KCNB2: variants seen among roughly 807,000 people sequenced by gnomAD.
The protein encoded by KCNB2 is potassium voltage-gated channel subfamily B member 2.
KCNB2 carries 15 observed loss-of-function variants against 61.5 expected under a neutral mutation model. The ratio of observed to expected loss-of-function variants is 0.24; its 90% CI spans 0.16 to 0.38. The LOEUF (loss-of-function observed/expected upper bound fraction) is 0.38. KCNB2 is among the 10% of genes least tolerant of loss of function. KCNB2 has a pLI of 1.00. For synonymous variants in KCNB2, 457 were observed against 446.0 expected, an observed-to-expected ratio of 1.02 and a Z score of -0.31; for missense variants, 828 against 1,125.2, an observed-to-expected ratio of 0.74 and a Z score of 3.78.
chr8:72,597,001 C>CTTTTTT lies in KCNB2; in HGVS notation c.579+28724_579+28729dup, dbSNP rs869160203. ...GCATGCTTGCTTGCTTGCTTGCTTG[C>CTTTTTT]TTTTTTTTTTTTTTTTTTTTTTTTT... On this transcript the variant is annotated intron_variant, in intron 2 of 2. Coordinates refer to ENST00000523207, the MANE Select transcript of KCNB2 (RefSeq NM_004770.3). Among the ~76,000 whole-genome samples the CTTTTTT allele has an allele frequency of 4.2e-3, 270 of 64,624 alleles. 48 individuals carry two copies. Among genetic ancestry groups the CTTTTTT allele is most frequent in the East Asian group, 5.0e-3 (8 of 1,586 alleles). 42.4% of individuals were successfully genotyped at this position (64,624 alleles called of 152,430 possible). A position where few individuals can be genotyped will look rare whatever the true frequency, so the allele number is the denominator to read the frequency against.
At chr8:72,665,343 G>A (rs1477110926) in intron 2 of KCNB2, among the ~76,000 whole-genome samples, 2 of 152,200 alleles carry the variant, frequency 1.3e-5, no homozygotes, top group East Asian at 3.9e-4. Flanking sequence ...CAACCGCTGG[G>A]AGGGTGGAGT....
intron 2 of KCNB2, among the ~76,000 whole-genome samples, chr8:72,813,826 T>A (rs542033145): frequency 9.9e-5 from 15 of 152,256 alleles, no homozygotes; most frequent in Non-Finnish European, 2.1e-4. Context: ...TTGAACTTTA[T>A]GTAAATGAAG....
At chr8:72,899,057 C>T (rs1356053469) in intron 2 of KCNB2, among the ~76,000 whole-genome samples, 1 of 152,118 alleles carries the variant, frequency 6.6e-6, no homozygotes, top group African/African-American at 2.4e-5. Flanking sequence ...GGCACCTAGG[C>T]TTTAATCCTG....
At chr8:72,716,442 C>A (rs1443715399) in intron 2 of KCNB2, among the ~76,000 whole-genome samples, 1 of 152,188 alleles carries the variant, frequency 6.6e-6, no homozygotes. Context: ...AATCCAGCAA[C>A]CCATCAAAAA....
intron 2 of KCNB2, among the ~76,000 whole-genome samples, chr8:72,581,846 G>GCTTTT (rs1806903231): frequency 1.3e-5 from 2 of 152,226 alleles, no homozygotes; most frequent in South Asian, 4.1e-4. Context: ...GCTTTGCTTT[G>GCTTTT]CTAGGGTTGC....
intron 2 of KCNB2, among the ~76,000 whole-genome samples, chr8:72,790,284 G>A (rs1326700586): frequency 1.3e-5 from 2 of 152,086 alleles, no homozygotes; most frequent in Admixed American, 6.6e-5. Flanking sequence ...CCCTGCTAAG[G>A]TCAGCACCCA....
intron 2 of KCNB2, among the ~76,000 whole-genome samples, chr8:72,863,863 G>A (rs1025124579): frequency 6.6e-6 from 1 of 152,184 alleles, no homozygotes; most frequent in East Asian, 1.9e-4. Flanking sequence ...AAATAGCCAG[G>A]TGTGGTGGCA....
chr8:72,737,200 A>G (rs62518134), intron 2 of KCNB2, among the ~76,000 whole-genome samples: 23 of 152,298 alleles, frequency 1.5e-4, no homozygotes, highest in Non-Finnish European at 2.2e-4. Flanking sequence ...ATTTTTTAAC[A>G]TAAGCTTGGA....
At chr8:72,789,264 A>C (rs1808895322) in intron 2 of KCNB2, among the ~76,000 whole-genome samples, 1 of 152,184 alleles carries the variant, frequency 6.6e-6, no homozygotes, top group African/African-American at 2.4e-5. Flanking sequence ...AAATACTGTT[A>C]TTAACAACAT....
chr8:72,683,146 G>A (rs2128989287), intron 2 of KCNB2, among the ~76,000 whole-genome samples: 1 of 152,290 alleles, frequency 6.6e-6, no homozygotes, highest in African/African-American at 2.4e-5. Context: ...TCTTTCCTAT[G>A]TAATGTCAGG....
chr8:72,895,013 C>T (rs370643005), intron 2 of KCNB2, among the ~76,000 whole-genome samples: 2 of 152,118 alleles, frequency 1.3e-5, no homozygotes, highest in Admixed American at 6.6e-5. Context: ...GGACCCTCCC[C>T]CTAAGGCCCT....
intron 2 of KCNB2, among the ~76,000 whole-genome samples, chr8:72,858,419 A>C (rs1810240487): frequency 6.6e-6 from 1 of 152,210 alleles, no homozygotes; most frequent in Admixed American, 6.5e-5. Context: ...GTGGTTTTAC[A>C]AGAAAAAAAG....
At chr8:72,636,492 A>G (rs1334049739) in intron 2 of KCNB2, among the ~76,000 whole-genome samples, 2 of 152,170 alleles carry the variant, frequency 1.3e-5, no homozygotes, top group Non-Finnish European at 2.9e-5. Context: ...TAATCCTGAC[A>G]GTGACATTTA....
At chr8:72,784,195 C>A (rs528702282) in intron 2 of KCNB2, among the ~76,000 whole-genome samples, 1 of 152,106 alleles carries the variant, frequency 6.6e-6, no homozygotes, top group Admixed American at 6.6e-5. Context: ...TATCATATCC[C>A]CAGAACTTCT....
At chr8:72,764,936 G>A (rs1206145424) in intron 2 of KCNB2, among the ~76,000 whole-genome samples, 3 of 152,076 alleles carry the variant, frequency 2.0e-5, no homozygotes, top group East Asian at 1.9e-4. Context: ...GAGTACCCCC[G>A]CCCAGCACAG....
intron 2 of KCNB2, among the ~76,000 whole-genome samples, chr8:72,589,316 C>T (rs1420253716): frequency 2.0e-5 from 3 of 151,016 alleles, no homozygotes; most frequent in East Asian, 1.9e-4. Flanking sequence ...GTCTGTTTTG[C>T]GTCAAAGTTT....
At chr8:72,617,415 A>T (rs1563539783) in intron 2 of KCNB2, among the ~76,000 whole-genome samples, 1 of 152,124 alleles carries the variant, frequency 6.6e-6, no homozygotes, top group Non-Finnish European at 1.5e-5. Flanking sequence ...AAAGGCGGGG[A>T]TTTGGCACCC....
intron 2 of KCNB2, among the ~76,000 whole-genome samples, chr8:72,829,215 G>C (rs1899081): frequency 0.93 from 141,926 of 152,292 alleles, 66,278 homozygotes; most frequent in East Asian, 1. Context: ...CCTGAATTAT[G>C]ATTCCTGAAG....
At chr8:72,797,873 G>A (rs528594895) in intron 2 of KCNB2, among the ~76,000 whole-genome samples, 14 of 152,288 alleles carry the variant, frequency 9.2e-5, no homozygotes, top group South Asian at 6.2e-4. Flanking sequence ...CTCCCAGTGC[G>A]TTGCAATTTT....
Sources: gnomAD v4.1 joint callset for allele counts (sites outside exome capture counted in the v4.1 genomes callset) on GRCh38, gnomAD v4.1.1 for gene constraint, MANE v1.5 for transcripts, NCBI Gene and HGNC (gene_info 2026-07-23, HGNC 2026-07-21) for gene names.